The following TRAPPC9 variants were observed in gnomAD, a reference collection of about 807,000 sequenced individuals.
TRAPPC9 encodes the protein trafficking protein particle complex subunit 9, also known as IKK2 binding protein.
A neutral mutation model predicts 124.0 loss-of-function variants in TRAPPC9; 83 were observed. That is an observed-to-expected ratio of 0.67 (90% CI 0.56 to 0.80). The LOEUF (loss-of-function observed/expected upper bound fraction) is 0.80. Ranked by LOEUF, TRAPPC9 falls within the 30% of genes least tolerant of loss-of-function variation. The probability of loss-of-function intolerance (pLI) is 0.00; values close to 1 mark genes in which losing one functional copy is unlikely to be tolerated. For synonymous variants in TRAPPC9, 638 were observed against 617.5 expected (o/e 1.03, Z -0.49); for missense variants, 1,302 against 1,508.3 (o/e 0.86, Z 2.27).
chr8:139,730,332 A>AGGGAGGCAGGGAGG lies in TRAPPC9; in HGVS notation c.*715_*728dup, dbSNP rs1817741082. On this transcript the variant is annotated 3_prime_UTR_variant, in exon 23 of 23. Transcript: ENST00000438773. ...CGGACTGCACTGGGCTAGCAGATGC[A>AGGGAGGCAGGGAGG]GGGAGGCAGGGAGGGGGAGGCAGGC... is the stretch of plus-strand genomic sequence containing the variant. 6.5e-6 allele frequency: 1 copy of AGGGAGGCAGGGAGG among 152,760 alleles called. No individual in the cohort carries two copies. The highest frequency in any genetic ancestry group is 2.4e-5 in the African/African-American group (1 of 41,412). The allele number at this position is 152,760 out of a possible 1,614,324, so 9.5% of individuals were successfully genotyped here.
At chr8:140,392,341 T>C (rs139666156) in intron 7 of TRAPPC9, among the ~76,000 whole-genome samples, 80 of 152,328 alleles carry the variant, frequency 5.3e-4, no homozygotes, top group South Asian at 3.7e-3. Flanking sequence ...GCTTATCCGA[T>C]AATGGAGAGG....
At chr8:139,858,823 CG>C (rs5895623) in intron 21 of TRAPPC9, among the ~76,000 whole-genome samples, 6 of 149,336 alleles carry the variant, frequency 4.0e-5, no homozygotes, top group African/African-American at 1.0e-4. Flanking sequence ...ACTGTGAATC[CG>C]GGGGGGGCAC....
chr8:140,267,769 C>T (rs1437811201), intron 15 of TRAPPC9, among the ~76,000 whole-genome samples: 3 of 152,160 alleles, frequency 2.0e-5, no homozygotes, highest in Non-Finnish European at 4.4e-5. Context: ...TGGGTTCAAG[C>T]GATTCTCCTG....
intron 7 of TRAPPC9, among the ~76,000 whole-genome samples, chr8:140,386,968 G>C (rs1020280831): frequency 6.6e-6 from 1 of 152,028 alleles, no homozygotes; most frequent in African/African-American, 2.4e-5. Flanking sequence ...CCAAAACAGA[G>C]ATATAGACCA....
At chr8:140,211,449 C>T (rs1256262475) in intron 17 of TRAPPC9, among the ~76,000 whole-genome samples, 4 of 152,016 alleles carry the variant, frequency 2.6e-5, no homozygotes, top group Non-Finnish European at 5.9e-5. Context: ...GTCCCAGCTA[C>T]TTGAGTCGCT....
intron 7 of TRAPPC9, among the ~76,000 whole-genome samples, chr8:140,382,524 G>A (rs190316478): frequency 7.3e-5 from 11 of 151,512 alleles, no homozygotes; most frequent in South Asian, 2.1e-4. Flanking sequence ...TCCCACGCCC[G>A]GCTGGGAGGG....
chr8:140,034,436 A>C (rs1840746413), intron 17 of TRAPPC9, among the ~76,000 whole-genome samples: 1 of 152,186 alleles, frequency 6.6e-6, no homozygotes, highest in Non-Finnish European at 1.5e-5. Context: ...GTGATCCTGC[A>C]AAGCCCAGGC....
chr8:140,212,016 C>G (rs2131257563), intron 17 of TRAPPC9, among the ~76,000 whole-genome samples: 1 of 152,322 alleles, frequency 6.6e-6, no homozygotes, highest in Admixed American at 6.5e-5. Context: ...GCTCAGCAGA[C>G]CAGGTGACCT....
Position 139,892,720 on chromosome 8 carries a change from G to A in TRAPPC9, c.2965-6751C>T, listed in dbSNP as rs545497943. Among the ~76,000 whole-genome samples, 18 of 152,252 alleles carry A rather than the reference G, an allele frequency of 1.2e-4. No individual in the cohort carries two copies. The South Asian group carries it at 2.3e-3, about 19-fold the overall frequency. ...TCCAAAACCACTCTGGCTTTCCTCCGCTATAGAAGCACACAGCAGCTTGGG... is the reference window on the plus strand; with the variant it reads ...TCCAAAACCACTCTGGCTTTCCTCCACTATAGAAGCACACAGCAGCTTGGG... On this transcript the variant is annotated intron_variant, in intron 20 of 22. Transcript: ENST00000438773.
At chr8:140,234,841 A>G (rs2063693599) in intron 16 of TRAPPC9, among the ~76,000 whole-genome samples, 1 of 152,258 alleles carries the variant, frequency 6.6e-6, no homozygotes, top group Non-Finnish European at 1.5e-5. Flanking sequence ...GCAAAAACTA[A>G]AACAATACAT....
At chr8:140,049,512 T>C (rs1841840655) in intron 17 of TRAPPC9, among the ~76,000 whole-genome samples, 1 of 151,420 alleles carries the variant, frequency 6.6e-6, no homozygotes, top group Non-Finnish European at 1.5e-5. Context: ...TCTGCCCACC[T>C]CTCATCAAGC....
At chr8:139,811,789 A>C (rs1824459357) in intron 21 of TRAPPC9, among the ~76,000 whole-genome samples, 1 of 152,226 alleles carries the variant, frequency 6.6e-6, no homozygotes, top group African/African-American at 2.4e-5. Context: ...TGATCAATTA[A>C]ATTTGAGGGA....
At chr8:140,262,229 T>A (rs562280279) in intron 15 of TRAPPC9, among the ~76,000 whole-genome samples, 46 of 8,398 alleles carry the variant, frequency 5.5e-3, no homozygotes, top group African/African-American at 0.021. Flanking sequence ...TTTTTCCTCA[T>A]TTTTTTTTAC....
chr8:140,315,233 C>CTT (rs61220260), intron 9 of TRAPPC9, among the ~76,000 whole-genome samples: 2,037 of 107,148 alleles, frequency 0.019, 80 homozygotes, highest in East Asian at 0.052. Flanking sequence ...ATTTGTATGT[C>CTT]TTTTTTTTTT....
At chr8:140,157,656 T>C (rs1048298737) in intron 17 of TRAPPC9, among the ~76,000 whole-genome samples, 5 of 152,172 alleles carry the variant, frequency 3.3e-5, no homozygotes, top group African/African-American at 1.2e-4. Context: ...TGTTCGATCA[T>C]ACATTTTCTT....
intron 21 of TRAPPC9, among the ~76,000 whole-genome samples, chr8:139,861,478 T>G (rs907432961): frequency 6.6e-6 from 1 of 152,162 alleles, no homozygotes; most frequent in South Asian, 2.1e-4. Flanking sequence ...GGGGAACAGA[T>G]GTGAACTACT....
Position 140,405,640 on chromosome 8 carries a change from C to A in TRAPPC9, c.945G>T (p.Lys315Asn), listed in dbSNP as rs1304779272. The change falls in exon 6 of 23, where the codon AAG (lysine) becomes AAT (asparagine). Residue 315 changes from lysine to asparagine, a missense_variant. Coordinates refer to ENST00000438773, the MANE Select transcript of TRAPPC9 (RefSeq NM_001160372.4). The stretch of plus-strand genomic sequence containing the variant: ...TTATGTCTTCAGGGCTAAGGCAGTT[C>A]TTAGCACGTCCGATCTCAGTACTGG... ...PDTSTEIGRA[K>N]NCLSPEDIID... The A allele has an allele frequency of 6.2e-7, 1 of 1,614,136 alleles. No homozygotes were observed.
At chr8:140,322,899 C>T (rs111325596) in intron 9 of TRAPPC9, among the ~76,000 whole-genome samples, 1 of 152,210 alleles carries the variant, frequency 6.6e-6, no homozygotes, top group South Asian at 2.1e-4. Flanking sequence ...CGTAAAATAT[C>T]TACTTGGCCT....
intron 20 of TRAPPC9, among the ~76,000 whole-genome samples, chr8:139,902,519 C>T (rs1376613169): frequency 6.6e-6 from 1 of 152,190 alleles, no homozygotes; most frequent in Admixed American, 6.5e-5. Flanking sequence ...AAAATGCAAC[C>T]CTGCATTTTA....
Sources: gnomAD v4.1 joint callset for allele counts (sites outside exome capture counted in the v4.1 genomes callset) on GRCh38, gnomAD v4.1.1 for gene constraint, MANE v1.5 for transcripts, NCBI Gene and HGNC (gene_info 2026-07-23, HGNC 2026-07-21) for gene names.